Variants in DDA1 observed in about 807,000 individuals in gnomAD.
DDA1 encodes the protein DET1- and DDB1-associated protein 1.
Under a neutral mutation model 18.6 loss-of-function variants are expected in DDA1, and 3 were observed. The ratio of observed to expected loss-of-function variants is 0.16; its 90% CI spans 0.07 to 0.42. DDA1 has a LOEUF of 0.42. Ranked by LOEUF, DDA1 falls within the 10% of genes least tolerant of loss-of-function variation. DDA1 has a pLI of 0.99. For synonymous variants in DDA1, 52 were observed against 54.0 expected (o/e 0.96, Z 0.17); for missense variants, 105 against 138.2 (o/e 0.76, Z 1.20).
At chr19:17,318,770 A>G (rs1045703246) in intron 4 of DDA1, among the ~76,000 whole-genome samples, 2 of 150,930 alleles carry the variant, frequency 1.3e-5, no homozygotes, top group African/African-American at 4.9e-5. Flanking sequence ...GGTTCAAGCA[A>G]TTCTTCTGCC....
intron 4 of DDA1, among the ~76,000 whole-genome samples, 171 bp downstream of exon 4, chr19:17,316,166 C>T (rs976591257): frequency 2.6e-5 from 4 of 152,212 alleles, no homozygotes; most frequent in East Asian, 1.9e-4. Context: ...TGGAGGGAAC[C>T]GCTGTGCAGA....
rs1318929386 is a variant in DDA1, at chr19:17,323,269, A to C, written c.*3613A>C. On this transcript the variant is annotated 3_prime_UTR_variant, in exon 5 of 5. Transcript: ENST00000359866. ...ATTGCATTTCTGCCGTTTTACAAAA[A>C]TATGACAAAATAAATTAAAAACAAA... The C allele has an allele frequency of 3.5e-6, 1 of 288,270 alleles. No homozygotes were observed. Among genetic ancestry groups the C allele is most frequent in the Non-Finnish European group, 6.4e-6 (1 of 155,662 alleles). The allele number at this position is 288,270 out of a possible 1,614,324, so 17.9% of individuals were successfully genotyped here.
intron 4 of DDA1, among the ~76,000 whole-genome samples, chr19:17,319,345 C>T (rs776272299): frequency 1.3e-5 from 2 of 152,196 alleles, no homozygotes; most frequent in Admixed American, 6.5e-5. Context: ...GGAGCTTCAC[C>T]CACGTGAAGA....
rs1428269066 is a variant in DDA1, at chr19:17,314,344, C to T, written c.91C>T (p.Arg31Trp). 8.1e-6 allele frequency: 13 copies of T among 1,614,122 alleles called. No homozygotes were observed. The highest frequency in any genetic ancestry group is 5.0e-5 in the Admixed American group (3 of 60,010). ...CTTCTCAACCCTCCTGCAGAACCGA[C>T]GGCCCTCAGTCTACCTGCCTACCCG... ...ADSVCKASNRRPSVYLPTREY... is the reference protein window; with the variant it reads ...ADSVCKASNRWPSVYLPTREY... Residue 31 changes from arginine to tryptophan, a missense_variant, in exon 3 of 5, where the codon CGG becomes TGG. By Grantham distance (101) the Arg-to-Trp change is moderately radical. Transcript: ENST00000359866. This position sits in a 1 kb window ranked among gnomAD's most constrained non-coding sequence, Gnocchi z 4.6.
intron 3 of DDA1, chr19:17,315,683 A>G: frequency 1.7e-6 from 1 of 572,984 alleles, no homozygotes; most frequent in Non-Finnish European, 3.1e-6. Flanking sequence ...TAGGCATGAG[A>G]GTCTCAGTTG....
rs1333788729 is a variant in DDA1, at chr19:17,322,589, C to T, written c.*2933C>T. On this transcript the variant is annotated 3_prime_UTR_variant, in exon 5 of 5. Transcript: ENST00000359866. ...AGCCTTAAGCCTTTGGATGTGGACA[C>T]ATTTGTCCTCTTCCTGAAAAATGTG... is the stretch of plus-strand genomic sequence containing the variant. The T allele has an allele frequency of 6.6e-6, 1 of 152,308 alleles. No homozygotes were observed. Among genetic ancestry groups the T allele is most frequent in the Non-Finnish European group, 1.5e-5 (1 of 68,098 alleles). 9.4% of individuals were successfully genotyped at this position (152,308 alleles called of 1,614,324 possible).
In DDA1 at chr19:17,314,147, G is replaced by A; in HGVS notation, c.84+44G>A. 2 of 1,600,060 alleles carry A rather than the reference G, an allele frequency of 1.2e-6. No individual in the cohort carries two copies. The highest frequency in any genetic ancestry group is 1.7e-6 in the Non-Finnish European group (2 of 1,167,940). On this transcript the variant is annotated intron_variant, in intron 2 of 4. Transcript: ENST00000359866. The surrounding 1 kb of genome is among the most constrained non-coding windows in gnomAD (Gnocchi z 4.6). The stretch of plus-strand genomic sequence containing the variant: ...GACTGGGAGGAATTGGTCACTTCCA[G>A]GGGGCCTGGGGGCAGCTTGTGTCCC...
chr19:17,315,206 CGTG>C (rs2074200927), intron 3 of DDA1, among the ~76,000 whole-genome samples: 1 of 29,182 alleles, frequency 3.4e-5, no homozygotes, highest in African/African-American at 1.6e-4. Flanking sequence ...TGTATACACA[CGTG>C]TATATACACA....
At position 17,321,881 on chromosome 19, in the gene DDA1, T is replaced by G. The variant is rs2074241643; in HGVS notation, c.*2225T>G. The G allele has an allele frequency of 2.6e-5, 4 of 152,580 alleles. No individual in the cohort carries two copies. Among genetic ancestry groups the G allele is most frequent in the Admixed American group, 2.6e-4 (4 of 15,296 alleles). The allele number at this position is 152,580 out of a possible 1,614,324, so 9.5% of individuals were successfully genotyped here. A position where few individuals can be genotyped will look rare whatever the true frequency, so the allele number is the denominator to read the frequency against. Reference sequence around the variant, plus strand: ...AGGGGCCATGTGGTCACAGGACAGGTGGTCAGGAAATGCACACTTGACTGC... The same window carrying G: ...AGGGGCCATGTGGTCACAGGACAGGGGGTCAGGAAATGCACACTTGACTGC... On this transcript the variant is annotated 3_prime_UTR_variant, in exon 5 of 5. Coordinates refer to ENST00000359866, the MANE Select transcript of DDA1 (RefSeq NM_024050.6).
chr19:17,317,264 C>T (rs905917902), intron 4 of DDA1, among the ~76,000 whole-genome samples: 4 of 151,948 alleles, frequency 2.6e-5, no homozygotes, highest in African/African-American at 9.7e-5. Flanking sequence ...AATCTCAGGA[C>T]TTTGGGAGGC....
rs1163831205 is a variant in DDA1 at position 17,314,174 on chromosome 19, CG to C, written c.84+72del. The C allele has an allele frequency of 3.4e-5, 53 of 1,573,676 alleles. No homozygotes were observed. In the Admixed American group the frequency reaches 8.7e-4, roughly 26 times the overall value. ...GGGCCTGGGGGCAGCTTGTGTCCCC[CG>C]ATTGGGGTCTTGGCTGGAACAGAGG... is the stretch of plus-strand genomic sequence containing the variant. On this transcript the variant is annotated intron_variant, in intron 2 of 4. Coordinates refer to ENST00000359866, the MANE Select transcript of DDA1 (RefSeq NM_024050.6). The surrounding 1 kb of genome is among the most constrained non-coding windows in gnomAD (Gnocchi z 4.6).
At chr19:17,311,314 G>T (rs1253793062) in intron 1 of DDA1, among the ~76,000 whole-genome samples, 10 of 151,870 alleles carry the variant, frequency 6.6e-5, no homozygotes, top group African/African-American at 2.4e-4. Context: ...CCACCACCAT[G>T]CCCGGCTAAT....
rs1384608999 is a variant in DDA1, at chr19:17,320,724, C to G, written c.*1068C>G. On this transcript the variant is annotated 3_prime_UTR_variant, in exon 5 of 5. Transcript: ENST00000359866. ...GTCTTGCTGTCCTAGGTGGTGGCCT[C>G]ACCCTTGCTGGGTCATAGAGGAGCT... The G allele has an allele frequency of 1.3e-5, 2 of 152,430 alleles. No homozygotes were observed. Among genetic ancestry groups the G allele is most frequent in the African/African-American group, 2.4e-5 (1 of 41,456 alleles). 9.4% of individuals were successfully genotyped at this position (152,430 alleles called of 1,614,324 possible).
At chr19:17,318,646 T>A (rs962248503) in intron 4 of DDA1, among the ~76,000 whole-genome samples, 1 of 151,660 alleles carries the variant, frequency 6.6e-6, no homozygotes, top group Admixed American at 6.6e-5. Flanking sequence ...GGATTACAGG[T>A]GTGAGCCACC....
chr19:17,314,567 G>A lies in DDA1; in HGVS notation c.136+178G>A, dbSNP rs1230734187. The A allele has an allele frequency of 1.4e-6, 1 of 728,020 alleles. No homozygotes were observed. The highest frequency in any genetic ancestry group is 2.2e-6 in the Non-Finnish European group (1 of 446,036). The allele number at this position is 728,020 out of a possible 1,614,324, so 45.1% of individuals were successfully genotyped here. On this transcript the variant is annotated intron_variant, in intron 3 of 4. Transcript: ENST00000359866. The surrounding 1 kb of genome is among the most constrained non-coding windows in gnomAD (Gnocchi z 4.6). ...GGAGGGCCTCCAGGGAGGTACAGGA[G>A]GGGGACCTTGGGGGCTTCAGCCTGG...
chr19:17,315,228 TAC>T lies in DDA1; in HGVS notation c.137-697_137-696del, dbSNP rs779683938. Among the ~76,000 whole-genome samples the T allele has an allele frequency of 2.5e-3, 90 of 35,688 alleles. 14 individuals carry two copies. Among genetic ancestry groups the T allele is most frequent in the East Asian group, 0.014 (48 of 3,338 alleles). 23.4% of individuals were successfully genotyped at this position (35,688 alleles called of 152,430 possible). A position where few individuals can be genotyped will look rare whatever the true frequency, so the allele number is the denominator to read the frequency against. ...ACACGTGTATATACACACACGTGTA[TAC>T]ACACACACGTGTATATACACACACG... is the stretch of plus-strand genomic sequence containing the variant. On this transcript the variant is annotated intron_variant, in intron 3 of 4. Coordinates refer to ENST00000359866, the MANE Select transcript of DDA1 (RefSeq NM_024050.6).
chr19:17,317,272 G>A (rs746277067), intron 4 of DDA1, among the ~76,000 whole-genome samples: 19 of 152,214 alleles, frequency 1.2e-4, no homozygotes, highest in Admixed American at 2.6e-4. Flanking sequence ...GACTTTGGGA[G>A]GCCGAGTCAG....
Position 17,315,122 on chromosome 19 carries a change from TATATATACACACATATATATACACACAC to T in DDA1, c.136+734_136+761del, listed in dbSNP as rs1568353497. ...ATACACACATATATATACACACACGTATATATACACACATATATATACACACACGTATATATACACACGTGTATATACA... is the reference window on the plus strand; with the variant it reads ...ATACACACATATATATACACACACGTGTATATATACACACGTGTATATACA... On this transcript the variant is annotated intron_variant, in intron 3 of 4. Coordinates refer to ENST00000359866, the MANE Select transcript of DDA1 (RefSeq NM_024050.6). Among the ~76,000 whole-genome samples the T allele has an allele frequency of 1.9e-3, 157 of 84,774 alleles. 8 individuals are homozygous for T. Among genetic ancestry groups the T allele is most frequent in the East Asian group, 4.9e-3 (21 of 4,282 alleles). The allele number at this position is 84,774 out of a possible 152,430, so 55.6% of individuals were successfully genotyped here. A position where few individuals can be genotyped will look rare whatever the true frequency, so the allele number is the denominator to read the frequency against.
At chr19:17,310,219 T>A (rs912732730) in intron 1 of DDA1, 1 of 153,352 alleles carries the variant, frequency 6.5e-6, no homozygotes, top group African/African-American at 2.4e-5. Context: ...ATTGTCCCTG[T>A]GAAATGAGGG....
Sources: allele counts gnomAD v4.1 joint callset (sites outside exome capture counted in the v4.1 genomes callset), GRCh38; gene constraint gnomAD v4.1.1; non-coding constraint Gnocchi (gnomAD v3.1); transcripts MANE v1.5; gene names NCBI Gene and HGNC (gene_info 2026-07-23, HGNC 2026-07-21).